NAV3: variants seen among roughly 807,000 people sequenced by gnomAD.
NAV3 encodes the protein neuron navigator 3, also known as pore membrane and/or filament interacting like protein 1.
In NAV3, 87 loss-of-function variants were observed where a neutral mutation model predicts 244.7. That is an observed-to-expected ratio of 0.36 (90% CI 0.30 to 0.42). The LOEUF is 0.42. Among genes scored for constraint, NAV3 ranks in the 20% least tolerant of loss-of-function variants. NAV3 has a pLI of 1.00. For synonymous variants in NAV3, 1,126 were observed against 1,042.2 expected, an observed-to-expected ratio of 1.08 and a Z score of -1.55; for missense variants, 2,663 against 2,893.3, an observed-to-expected ratio of 0.92 and a Z score of 1.83.
intron 2 of NAV3, among the ~76,000 whole-genome samples, chr12:77,764,296 A>G (rs565807266): frequency 1.8e-4 from 27 of 152,358 alleles, no homozygotes; most frequent in African/African-American, 6.0e-4. Context: ...TTCAAAATCA[A>G]TAAAATCACC....
Position 78,119,460 on chromosome 12 carries a change from T to C in NAV3, c.3264T>C (p.Ser1088=). ...CCAGCAGTGGAGCAACCATAACAAG[T>C]GGCTCTGCAACACTGGGTAAAATTC... The part of the protein sequence containing the change: ...MITSSGATIT[S]GSATLGKIPK... Residue 1088 remains serine (S), a synonymous_variant, in exon 15 of 40, where the codon AGT becomes AGC. Transcript: ENST00000397909. The C allele has an allele frequency of 6.2e-7, 1 of 1,614,146 alleles. No homozygotes were observed. Among genetic ancestry groups the C allele is most frequent in the Non-Finnish European group, 8.5e-7 (1 of 1,180,018 alleles).
intron 12 of NAV3, among the ~76,000 whole-genome samples, chr12:78,059,754 C>T (rs763849811): frequency 6.6e-5 from 10 of 151,664 alleles, no homozygotes; most frequent in Admixed American, 2.0e-4. Context: ...GACTTATTTT[C>T]CTTGTTAGAA....
chr12:77,922,515 C>T (rs924258678), intron 1 of NAV3, among the ~76,000 whole-genome samples: 2 of 152,128 alleles, frequency 1.3e-5, no homozygotes, highest in African/African-American at 4.8e-5. Flanking sequence ...TGTTATCCTA[C>T]AGAGGTGTTG....
chr12:77,718,252 C>T (rs112838926), intron 2 of NAV3, among the ~76,000 whole-genome samples: 13 of 152,112 alleles, frequency 8.5e-5, no homozygotes, highest in African/African-American at 3.1e-4. Context: ...ATTTTTTGTA[C>T]TGTGTACAAT....
chr12:77,603,480 G>A (rs188661232), intron 2 of NAV3, among the ~76,000 whole-genome samples: 1 of 150,760 alleles, frequency 6.6e-6, no homozygotes, highest in Non-Finnish European at 1.5e-5. Context: ...TAATAACTAA[G>A]ATTAGGGCCT....
At chr12:77,890,929 TG>T (rs1883861289) in intron 1 of NAV3, among the ~76,000 whole-genome samples, 1 of 152,176 alleles carries the variant, frequency 6.6e-6, no homozygotes, top group African/African-American at 2.4e-5. Flanking sequence ...TCATACACAA[TG>T]TTCTAATATG....
intron 2 of NAV3, among the ~76,000 whole-genome samples, chr12:77,660,499 A>G (rs926120557): frequency 2.6e-5 from 4 of 152,208 alleles, no homozygotes; most frequent in African/African-American, 9.6e-5. Flanking sequence ...TAGACAAATT[A>G]TCTAAAGGTA....
At chr12:78,127,250 AT>A in intron 17 of NAV3, 42 bp downstream of exon 17, 1 of 1,581,998 alleles carries the variant, frequency 6.3e-7, no homozygotes, top group Non-Finnish European at 8.7e-7. Flanking sequence ...CTCTGTTGTT[AT>A]GTAAACTTTG....
In NAV3 at chr12:78,068,922, A is replaced by G. The variant is rs1387187935; in HGVS notation, c.2636+9807A>G. 2.0e-5 allele frequency among the ~76,000 whole-genome samples: 3 copies of G among 151,772 alleles called. No homozygotes were observed. In the East Asian group the frequency reaches 5.8e-4, roughly 29 times the overall value. ...AATGGTTAATTTTATTTAAGAAGTTATATCTATACATGAAACACTTCGTTA... is the reference window on the plus strand; with the variant it reads ...AATGGTTAATTTTATTTAAGAAGTTGTATCTATACATGAAACACTTCGTTA... On this transcript the variant is annotated intron_variant, in intron 12 of 39. Transcript: ENST00000397909.
intron 2 of NAV3, among the ~76,000 whole-genome samples, chr12:77,741,076 C>A (rs1341305658): frequency 7.7e-6 from 1 of 129,304 alleles, no homozygotes; most frequent in Non-Finnish European, 1.6e-5. Context: ...TTGATATATT[C>A]TTTCTAACTA....
chr12:77,618,609 GTGTT>G (rs1871235533), intron 2 of NAV3, among the ~76,000 whole-genome samples: 1 of 152,112 alleles, frequency 6.6e-6, no homozygotes, highest in African/African-American at 2.4e-5. Context: ...ATTTTGCAGT[GTGTT>G]TAACACGTAT....
intron 12 of NAV3, among the ~76,000 whole-genome samples, chr12:78,062,416 T>TA (rs1884451183): frequency 6.6e-6 from 1 of 152,152 alleles, no homozygotes; most frequent in South Asian, 2.1e-4. Context: ...AAATCAAAAA[T>TA]AGTTTTCTGG....
At chr12:77,588,179 GTGATCACAGC>G (rs139119355) in intron 2 of NAV3, among the ~76,000 whole-genome samples, 27,800 of 152,056 alleles carry the variant, frequency 0.18, 2,847 homozygotes, top group Admixed American at 0.25. Context: ...GTGCAGTGGT[GTGATCACAGC>G]ACACTGCAGC....
intron 2 of NAV3, among the ~76,000 whole-genome samples, chr12:77,620,710 C>G (rs540893492): frequency 6.6e-6 from 1 of 152,214 alleles, no homozygotes; most frequent in Non-Finnish European, 1.5e-5. Flanking sequence ...GATCCACCCC[C>G]CTCAGCCTCC....
chr12:77,963,830 CCCTT>C lies in NAV3; in HGVS notation c.415-2380_415-2377del, dbSNP rs1204362704. On this transcript the variant is annotated intron_variant, in intron 3 of 39. Transcript: ENST00000397909. ...TCATTTGTTGTTGTTGTTCTCCTTC[CCCTT>C]CCTTCCTTCCTTCCTTCCCTCCCTC... Among the ~76,000 whole-genome samples the C allele has an allele frequency of 5.5e-3, 827 of 149,062 alleles. 2 individuals are homozygous for C. The highest frequency in any genetic ancestry group is 7.6e-3 in the Non-Finnish European group (509 of 67,130).
At chr12:77,978,032 T>TA (rs546431103) in intron 5 of NAV3, among the ~76,000 whole-genome samples, 3 of 149,914 alleles carry the variant, frequency 2.0e-5, no homozygotes, top group East Asian at 1.9e-4. Context: ...GTTTTGTTTG[T>TA]AAAAAAAAAA....
intron 1 of NAV3, among the ~76,000 whole-genome samples, chr12:77,833,622 G>A (rs1419911176): frequency 1.3e-5 from 2 of 152,222 alleles, no homozygotes; most frequent in East Asian, 1.9e-4. Context: ...CAGTATGAAG[G>A]TGGCTTGTGT....
At chr12:77,628,432 T>C (rs1871735003) in intron 2 of NAV3, among the ~76,000 whole-genome samples, 1 of 152,180 alleles carries the variant, frequency 6.6e-6, no homozygotes. Context: ...AAGTTAAAAA[T>C]AGATTACTGT....
intron 12 of NAV3, among the ~76,000 whole-genome samples, chr12:78,111,418 A>G (rs1445796962): frequency 6.6e-6 from 1 of 152,112 alleles, no homozygotes; most frequent in Non-Finnish European, 1.5e-5. Flanking sequence ...AAAACTCAAT[A>G]ATATTAAGAC....
Sources: allele counts gnomAD v4.1 joint callset (sites outside exome capture counted in the v4.1 genomes callset), GRCh38; gene constraint gnomAD v4.1.1; transcripts MANE v1.5; gene names NCBI Gene and HGNC (gene_info 2026-07-23, HGNC 2026-07-21).